MTCL2: variants seen among roughly 807,000 people sequenced by gnomAD.
MTCL2 encodes microtubule cross-linking factor 2.
the MTCL2 span, among the ~76,000 whole-genome samples, chr20:36,797,274 T>G: frequency 6.6e-6 from 1 of 151,710 alleles, no homozygotes; most frequent in African/African-American, 2.4e-5. Context: ...GTCTTCTTCC[T>G]CCTCAACCCT....
At chr20:36,801,563 ACT>A in the MTCL2 span, among the ~76,000 whole-genome samples, 1 of 151,600 alleles carries the variant, frequency 6.6e-6, no homozygotes, top group African/African-American at 2.4e-5. Flanking sequence ...AAAAAAAACA[ACT>A]TTTTTTCATT....
At chr20:36,804,233 C>T in the MTCL2 span, among the ~76,000 whole-genome samples, 1 of 152,134 alleles carries the variant, frequency 6.6e-6, no homozygotes, top group Non-Finnish European at 1.5e-5. Flanking sequence ...AGCATTCTCT[C>T]TGAGTGGGAA....
At chr20:36,842,531 GGAGGCCAAGGCGGTCAGATCGCCT>G in the MTCL2 span, among the ~76,000 whole-genome samples, 2 of 152,200 alleles carry the variant, frequency 1.3e-5, no homozygotes, top group African/African-American at 2.4e-5. Context: ...CAGCGCTTTG[GGAGGCCAAGGCGGTCAGATCGCCT>G]GAGGCCAGGA....
At chr20:36,810,233 C>G in the MTCL2 span, 4 of 1,173,706 alleles carry the variant, frequency 3.4e-6, no homozygotes, top group South Asian at 1.5e-5. Context: ...TGTCCAAATA[C>G]AAATCAGGCA....
chr20:36,817,459 T>C, the MTCL2 span: 1 of 1,575,666 alleles, frequency 6.3e-7, no homozygotes, highest in African/African-American at 1.4e-5. Context: ...TCCTCTTTTC[T>C]TCAAGGAATG....
chr20:36,823,272 T>C, the MTCL2 span, among the ~76,000 whole-genome samples: 1 of 152,202 alleles, frequency 6.6e-6, no homozygotes, highest in Admixed American at 6.5e-5. Context: ...CACGTGAAGA[T>C]TGGCAACGTA....
chr20:36,814,091 A>C, the MTCL2 span, among the ~76,000 whole-genome samples: 1 of 152,160 alleles, frequency 6.6e-6, no homozygotes, highest in Non-Finnish European at 1.5e-5. Context: ...AAAACCATGT[A>C]CGCTTCCTTC....
the MTCL2 span, among the ~76,000 whole-genome samples, chr20:36,788,809 T>TC: frequency 6.9e-6 from 1 of 145,904 alleles, no homozygotes; most frequent in Admixed American, 6.7e-5. Flanking sequence ...TTCTTTTCTT[T>TC]TTTTTTTTTT....
chr20:36,797,486 C>G, the MTCL2 span: 1 of 1,552,466 alleles, frequency 6.4e-7, no homozygotes, highest in Non-Finnish European at 8.7e-7. Flanking sequence ...AGCATGGCAG[C>G]AGCCGCCCCA....
chr20:36,829,522 T>TC, the MTCL2 span, among the ~76,000 whole-genome samples: 9 of 148,310 alleles, frequency 6.1e-5, no homozygotes, highest in Non-Finnish European at 1.3e-4. Context: ...GCTTTTTTTT[T>TC]TTTTTTTTTT....
chr20:36,797,582 G>A, the MTCL2 span: 7 of 1,555,116 alleles, frequency 4.5e-6, no homozygotes, highest in Non-Finnish European at 6.1e-6. Flanking sequence ...AGCTGGGCAA[G>A]GGCAGAGAGG....
At chr20:36,826,659 T>C in the MTCL2 span, among the ~76,000 whole-genome samples, 1 of 151,946 alleles carries the variant, frequency 6.6e-6, no homozygotes, top group Admixed American at 6.6e-5. Flanking sequence ...GTTACAAGCA[T>C]GAGCCACCAC....
At chr20:36,830,933 T>G in the MTCL2 span, among the ~76,000 whole-genome samples, 1 of 152,166 alleles carries the variant, frequency 6.6e-6, no homozygotes, top group Non-Finnish European at 1.5e-5. Flanking sequence ...TATATCTAGT[T>G]GTCTGGGATG....
the MTCL2 span, chr20:36,862,760 G>A: frequency 4.1e-6 from 6 of 1,450,296 alleles, no homozygotes; most frequent in African/African-American, 5.8e-5. Context: ...AGGCAAGCGA[G>A]GCGCTGAGCG....
the MTCL2 span, chr20:36,786,402 C>T: frequency 4.9e-6 from 7 of 1,434,312 alleles, no homozygotes; most frequent in African/African-American, 2.8e-5. Context: ...CACAGCCCCT[C>T]GCCTCACCTC....
the MTCL2 span, among the ~76,000 whole-genome samples, chr20:36,792,841 T>C: frequency 2.4e-3 from 317 of 130,860 alleles, 2 homozygotes; most frequent in African/African-American, 8.4e-3. Flanking sequence ...GATATATAGA[T>C]AGATAGATAG....
the MTCL2 span, chr20:36,796,978 G>A: frequency 6.2e-7 from 1 of 1,610,798 alleles, no homozygotes; most frequent in Non-Finnish European, 8.5e-7. Context: ...GACAGGAAGG[G>A]TCAGTTCTGG....
At chr20:36,840,836 A>G in the MTCL2 span, among the ~76,000 whole-genome samples, 1 of 151,110 alleles carries the variant, frequency 6.6e-6, no homozygotes, top group African/African-American at 2.4e-5. Context: ...ACAGAGCGAG[A>G]CTCCGTCTCA....
At chr20:36,780,404 G>C in the MTCL2 span, 1 of 152,136 alleles carries the variant, frequency 6.6e-6, no homozygotes, top group Non-Finnish European at 1.5e-5. Flanking sequence ...AATGTACTTC[G>C]AGACACTTAG....
Sources: gnomAD v4.1 joint callset for allele counts (sites outside exome capture counted in the v4.1 genomes callset) on GRCh38, gnomAD v4.1.1 for gene constraint, MANE v1.5 for transcripts, NCBI Gene and HGNC (gene_info 2026-07-23, HGNC 2026-07-21) for gene names.